The following PPP3CC variants were observed in gnomAD, a reference collection of about 807,000 sequenced individuals.
PPP3CC encodes protein phosphatase 3 catalytic subunit gamma.
A neutral mutation model predicts 60.3 loss-of-function variants in PPP3CC; 35 were observed. That is an observed-to-expected ratio of 0.58 (90% CI 0.44 to 0.77). The LOEUF is 0.77. Ranked by LOEUF, PPP3CC falls within the 30% of genes least tolerant of loss-of-function variation. The pLI, the probability that PPP3CC is intolerant of heterozygous loss-of-function variation, is 0.00. For synonymous variants in PPP3CC, 206 were observed against 224.3 expected, an observed-to-expected ratio of 0.92 and a Z score of 0.73; for missense variants, 570 against 628.9, an observed-to-expected ratio of 0.91 and a Z score of 1.00.
At chr8:22,480,621 G>GC (rs58009021) in intron 3 of PPP3CC, among the ~76,000 whole-genome samples, 2,135 of 152,204 alleles carry the variant, frequency 0.014, 48 homozygotes, top group African/African-American at 0.049. Context: ...TGGGATTACA[G>GC]CCCCCCACCA....
intron 1 of PPP3CC, among the ~76,000 whole-genome samples, chr8:22,469,574 A>G (rs1837652909): frequency 6.6e-6 from 1 of 152,102 alleles, no homozygotes; most frequent in Non-Finnish European, 1.5e-5. Flanking sequence ...GGAAAAAAAA[A>G]AGCTACAGCT....
chr8:22,446,323 T>C (rs1836820476), intron 1 of PPP3CC, among the ~76,000 whole-genome samples: 1 of 152,126 alleles, frequency 6.6e-6, no homozygotes, highest in Admixed American at 6.5e-5. Flanking sequence ...ATGACACTTG[T>C]AACCATTATT....
chr8:22,459,863 T>C (rs1837315960), intron 1 of PPP3CC, among the ~76,000 whole-genome samples: 1 of 152,170 alleles, frequency 6.6e-6, no homozygotes, highest in South Asian at 2.1e-4. Context: ...TTTTCTTAGA[T>C]AGGTCATAGA....
chr8:22,478,754 T>C (rs1460204510), intron 3 of PPP3CC, among the ~76,000 whole-genome samples: 2 of 152,206 alleles, frequency 1.3e-5, no homozygotes, highest in Non-Finnish European at 2.9e-5. Context: ...CACTTACGAA[T>C]AGACTTTTGT....
Position 22,533,011 on chromosome 8 carries a change from C to A in PPP3CC, c.1314C>A (p.Ile438=), listed in dbSNP as rs114811003. 1.4e-4 allele frequency: 216 copies of A among 1,599,200 alleles called. No individual in the cohort carries two copies. In the African/African-American group the frequency reaches 2.4e-3, roughly 17 times the overall value. Reference sequence around the variant, plus strand: ...TCCTCTCAGGAGGCAAGCAGACTATCGAGACAGGTGAGTATGAGAGTGCTC... The same window carrying A: ...TCCTCTCAGGAGGCAAGCAGACTATAGAGACAGGTGAGTATGAGAGTGCTC... ...LGVLSGGKQT[I]ETATVEAVEA... Residue 438 remains isoleucine, a synonymous_variant, in exon 12 of 14, where the codon ATC becomes ATA. Coordinates refer to ENST00000240139, the MANE Select transcript of PPP3CC (RefSeq NM_005605.5).
chr8:22,517,869 C>T (rs1839295283), intron 6 of PPP3CC, among the ~76,000 whole-genome samples: 4 of 151,838 alleles, frequency 2.6e-5, no homozygotes, highest in Admixed American at 2.6e-4. Context: ...CTGCCCTAAA[C>T]TTTCCTTTCT....
chr8:22,494,047 C>T (rs1190924508), intron 3 of PPP3CC, among the ~76,000 whole-genome samples: 1 of 152,018 alleles, frequency 6.6e-6, no homozygotes, highest in Non-Finnish European at 1.5e-5. Context: ...TTTTATGGGA[C>T]CATTGTCCTG....
At chr8:22,452,632 T>C (rs1392023021) in intron 1 of PPP3CC, among the ~76,000 whole-genome samples, 2 of 152,190 alleles carry the variant, frequency 1.3e-5, no homozygotes, top group Non-Finnish European at 2.9e-5. Context: ...TGCCTGGCAC[T>C]ACAAGCATGT....
rs537920974 is a variant in PPP3CC at position 22,496,716 on chromosome 8, C to T, written c.373-1285C>T. Among the ~76,000 whole-genome samples the T allele has an allele frequency of 1.7e-3, 259 of 151,552 alleles. 2 individuals carry two copies. The highest frequency in any genetic ancestry group is 6.8e-3 in the Middle Eastern group (2 of 294). On this transcript the variant is annotated intron_variant, in intron 3 of 13. Coordinates refer to ENST00000240139, the MANE Select transcript of PPP3CC (RefSeq NM_005605.5). ...TTCACCATATTGGCCAGGCTGGTCTCGAACTCCTGACCTTAGGTGATCCAC... is the reference window on the plus strand; with the variant it reads ...TTCACCATATTGGCCAGGCTGGTCTTGAACTCCTGACCTTAGGTGATCCAC...
In PPP3CC at chr8:22,531,189, C is replaced by G. The variant is rs1563789436; in HGVS notation, c.1142-1036C>G. 6.1e-6 allele frequency: 6 copies of G among 987,912 alleles called. No homozygotes were observed. The South Asian group carries it at 8.5e-5, about 14-fold the overall frequency. The allele number at this position is 987,912 out of a possible 1,614,324, so 61.2% of individuals were successfully genotyped here. A position where few individuals can be genotyped will look rare whatever the true frequency, so the allele number is the denominator to read the frequency against. ...AGCTGGTAAAGATAATAGCCTGTTTCTCTCATTGCATTTCACTTTGATTTT... is the reference window on the plus strand; with the variant it reads ...AGCTGGTAAAGATAATAGCCTGTTTGTCTCATTGCATTTCACTTTGATTTT... On this transcript the variant is annotated intron_variant, in intron 10 of 13. Coordinates refer to ENST00000240139, the MANE Select transcript of PPP3CC (RefSeq NM_005605.5).
intron 3 of PPP3CC, among the ~76,000 whole-genome samples, chr8:22,490,761 T>A (rs914818944): frequency 6.6e-6 from 1 of 152,132 alleles, no homozygotes; most frequent in African/African-American, 2.4e-5. Flanking sequence ...GCTTCATCCA[T>A]GTCCCTACAA....
chr8:22,507,588 A>G (rs1838961139), intron 4 of PPP3CC, among the ~76,000 whole-genome samples: 1 of 152,230 alleles, frequency 6.6e-6, no homozygotes, highest in Non-Finnish European at 1.5e-5. Context: ...CAGTTTTTAA[A>G]TGAAGACAGT....
At chr8:22,540,343 T>C (rs527339057) in intron 13 of PPP3CC, among the ~76,000 whole-genome samples, 1 of 152,216 alleles carries the variant, frequency 6.6e-6, no homozygotes, top group African/African-American at 2.4e-5. Flanking sequence ...GTTAGCTTTT[T>C]GTTAGGTATA....
In PPP3CC at chr8:22,540,641, A is replaced by G. The variant is rs1263171282; in HGVS notation, c.1378A>G (p.Lys460Glu). Residue 460 changes from lysine (K) to glutamate (E), a missense_variant, in exon 14 of 14, where the codon AAG becomes GAG. Transcript: ENST00000240139. Reference sequence around the variant, plus strand: ...CATCAGAGGGTTCTCGCTTCAGCACAAGATCCGGAGTTTTGAAGAAGCGCG... The same window carrying G: ...CATCAGAGGGTTCTCGCTTCAGCACGAGATCCGGAGTTTTGAAGAAGCGCG... ...EAIRGFSLQH[K>E]IRSFEEARGL... The G allele has an allele frequency of 1.4e-5, 22 of 1,613,768 alleles. No individual in the cohort carries two copies. Among genetic ancestry groups the G allele is most frequent in the Non-Finnish European group, 1.8e-5 (21 of 1,179,924 alleles).
At chr8:22,447,599 G>A (rs1475415623) in intron 1 of PPP3CC, among the ~76,000 whole-genome samples, 3 of 152,068 alleles carry the variant, frequency 2.0e-5, no homozygotes, top group Non-Finnish European at 4.4e-5. Context: ...ATTACGGTGT[G>A]AGCCACTGCG....
intron 1 of PPP3CC, among the ~76,000 whole-genome samples, chr8:22,459,057 A>G (rs903486633): frequency 5.9e-5 from 9 of 152,026 alleles, no homozygotes; most frequent in Non-Finnish European, 1.2e-4. Context: ...CACCAGAAAT[A>G]TACATTTGTA....
At chr8:22,451,535 G>C (rs1410664264) in intron 1 of PPP3CC, among the ~76,000 whole-genome samples, 1 of 152,172 alleles carries the variant, frequency 6.6e-6, no homozygotes, top group Non-Finnish European at 1.5e-5. Flanking sequence ...ACCACAAGTG[G>C]ACACTTTCTT....
At position 22,501,130 on chromosome 8, in the gene PPP3CC, A is replaced by G. The variant is rs112604835; in HGVS notation, c.484+3018A>G. On this transcript the variant is annotated intron_variant, in intron 4 of 13. Transcript: ENST00000240139. ...TGAGTTGTGATCACCACTACACTCC[A>G]GCCTGGGAGACATAGTGAGACCCTG... Among the ~76,000 whole-genome samples the G allele has an allele frequency of 3.9e-5, 6 of 152,306 alleles. 1 individual carries two copies. The highest frequency in any genetic ancestry group is 1.4e-4 in the African/African-American group (6 of 41,556).
At chr8:22,527,974 A>AT (rs1359567744) in intron 9 of PPP3CC, among the ~76,000 whole-genome samples, 16 of 152,194 alleles carry the variant, frequency 1.1e-4, no homozygotes, top group Admixed American at 6.5e-5. Context: ...TGGTTCTTAA[A>AT]TTTTAATATA....
Sources: allele counts gnomAD v4.1 joint callset (sites outside exome capture counted in the v4.1 genomes callset), GRCh38; gene constraint gnomAD v4.1.1; transcripts MANE v1.5; gene names NCBI Gene and HGNC (gene_info 2026-07-23, HGNC 2026-07-21).